The following PRORP variants were observed in gnomAD, a reference collection of about 807,000 sequenced individuals.
PRORP encodes the protein mitochondrial ribonuclease P catalytic subunit.
In PRORP, 51 loss-of-function variants were observed where a neutral mutation model predicts 59.4. The ratio of observed to expected loss-of-function variants is 0.86; its 90% CI spans 0.69 to 1.08. The LOEUF (loss-of-function observed/expected upper bound fraction) is 1.08, where lower values mean the gene tolerates loss of function less well. PRORP is among the 50% of genes least tolerant of loss of function. PRORP has a pLI of 0.00. For missense variants in PRORP, 646 were observed against 690.3 expected (o/e 0.94, Z 0.72); for synonymous variants, 231 against 245.6 (o/e 0.94, Z 0.55).
chr14:35,177,789 T>A (rs2048492323), intron 4 of PRORP, among the ~76,000 whole-genome samples: 1 of 152,178 alleles, frequency 6.6e-6, no homozygotes, highest in Admixed American at 6.5e-5. Context: ...TCTGCTAGCT[T>A]TTGAATGTGT....
intron 5 of PRORP, among the ~76,000 whole-genome samples, chr14:35,255,848 T>C (rs908273403): frequency 6.6e-6 from 1 of 152,042 alleles, no homozygotes; most frequent in Admixed American, 6.5e-5. Flanking sequence ...TTATACAGAG[T>C]CTTAAGAGAG....
rs575652153 is a variant in PRORP at position 35,178,627 on chromosome 14, T to C, written c.1168-2043T>C. 8.4e-4 allele frequency among the ~76,000 whole-genome samples: 128 copies of C among 152,350 alleles called. 1 individual carries two copies. In the Middle Eastern group the frequency reaches 0.01, roughly 12 times the overall value. The stretch of plus-strand genomic sequence containing the variant: ...TTCCTCCATCCTTTTATTTTGAGCC[T>C]ATGTGTGTCTCTGCATGTGAGATGG... On this transcript the variant is annotated intron_variant, in intron 4 of 7. Transcript: ENST00000534898.
intron 5 of PRORP, among the ~76,000 whole-genome samples, chr14:35,243,195 C>CAA (rs1358577097): frequency 6.6e-6 from 1 of 152,072 alleles, no homozygotes; most frequent in Non-Finnish European, 1.5e-5. Context: ...AAGAAGGATG[C>CAA]AAAAGATGTT....
intron 5 of PRORP, among the ~76,000 whole-genome samples, chr14:35,219,862 A>G (rs1566505644): frequency 6.6e-6 from 1 of 151,982 alleles, no homozygotes; most frequent in Admixed American, 6.6e-5. Context: ...TATTTTTTGA[A>G]TTGTTTGTTT....
Position 35,123,658 on chromosome 14 carries a change from C to A in PRORP, c.413C>A (p.Thr138Asn). The change falls in exon 2 of 8, where the codon ACC (threonine) becomes AAC (asparagine). Residue 138 changes from threonine (T) to asparagine (N), a missense_variant. Thr to Asn is a moderately conservative substitution (Grantham distance 65). Transcript: ENST00000534898. ...KEDLKENTGK[T>N]SFESWIISQM... ...GATTTAAAAGAAAACACCGGAAAGA[C>A]CAGTTTCGAAAGTTGGATCATTTCA... The A allele has an allele frequency of 6.2e-7, 1 of 1,614,172 alleles. No individual in the cohort carries two copies. The highest frequency in any genetic ancestry group is 8.5e-7 in the Non-Finnish European group (1 of 1,180,032).
At chr14:35,157,156 T>C (rs1170833529) in intron 4 of PRORP, among the ~76,000 whole-genome samples, 2 of 151,994 alleles carry the variant, frequency 1.3e-5, no homozygotes, top group African/African-American at 4.8e-5. Context: ...GGGGTTTCAC[T>C]ATGTTAGCCA....
chr14:35,224,537 G>A (rs893192087), intron 5 of PRORP, among the ~76,000 whole-genome samples: 1 of 152,122 alleles, frequency 6.6e-6, no homozygotes, highest in African/African-American at 2.4e-5. Context: ...GGGAGAGCTG[G>A]AATTTGAATT....
rs536177956 is a variant in PRORP, at chr14:35,175,291, A to G, written c.1168-5379A>G. On this transcript the variant is annotated intron_variant, in intron 4 of 7. Coordinates refer to ENST00000534898, the MANE Select transcript of PRORP (RefSeq NM_014672.4). ...GATGGCTGGGTCAAATGGTATTTCT[A>G]GTTCTAGATCCCTGAGGAATCGCCA... Among the ~76,000 whole-genome samples, 231 of 152,154 alleles carry G rather than the reference A, an allele frequency of 1.5e-3. 1 individual carries two copies. The highest frequency in any genetic ancestry group is 4.8e-3 in the African/African-American group (199 of 41,530).
intron 5 of PRORP, among the ~76,000 whole-genome samples, chr14:35,216,908 G>A (rs745633979): frequency 6.6e-6 from 1 of 152,166 alleles, no homozygotes; most frequent in Non-Finnish European, 1.5e-5. Context: ...ATGATGTTGA[G>A]CATCTTTTAA....
At chr14:35,163,956 A>C (rs1465562750) in intron 4 of PRORP, among the ~76,000 whole-genome samples, 2 of 152,168 alleles carry the variant, frequency 1.3e-5, no homozygotes, top group Non-Finnish European at 2.9e-5. Flanking sequence ...ATGTGGTGAA[A>C]GGTAAGGGTC....
Position 35,127,579 on chromosome 14 carries a change from G to T in PRORP, c.1135G>T (p.Gly379Ter), listed in dbSNP as rs748809567. The T allele has an allele frequency of 1.2e-6, 2 of 1,614,050 alleles. No homozygotes were observed. The highest frequency in any genetic ancestry group is 2.2e-5 in the South Asian group (2 of 91,078). The change falls in exon 4 of 8, where the codon GGA becomes TGA. Residue 379 changes from glycine (G) to a stop codon, truncating the protein, a stop_gained. Coordinates refer to ENST00000534898, the MANE Select transcript of PRORP (RefSeq NM_014672.4). LOFTEE classifies it high-confidence loss of function. ...KGKIMRDVIDGGDQYRKTTPQ... is the reference protein window; with the variant it reads ...KGKIMRDVID Reference sequence around the variant, plus strand: ...AAAAATCATGAGGGATGTGATAGATGGAGGTGACCAGTACAGAAAGACAAC... The same window carrying T: ...AAAAATCATGAGGGATGTGATAGATTGAGGTGACCAGTACAGAAAGACAAC...
chr14:35,154,978 T>A (rs2047875930), intron 4 of PRORP, among the ~76,000 whole-genome samples: 1 of 152,124 alleles, frequency 6.6e-6, no homozygotes, highest in Admixed American at 6.5e-5. Flanking sequence ...CACCACAGCC[T>A]CAACCTCCCG....
chr14:35,270,948 G>A (rs527922172), intron 7 of PRORP, among the ~76,000 whole-genome samples: 5 of 151,570 alleles, frequency 3.3e-5, no homozygotes, highest in African/African-American at 9.7e-5. Context: ...TTAGCCAGGC[G>A]TGGTGGCGGG....
intron 5 of PRORP, among the ~76,000 whole-genome samples, chr14:35,260,301 T>C (rs565753232): frequency 6.6e-6 from 1 of 152,158 alleles, no homozygotes; most frequent in East Asian, 1.9e-4. Context: ...AAAAGAGAAA[T>C]AAACTTTCCT....
intron 4 of PRORP, among the ~76,000 whole-genome samples, chr14:35,151,357 GGAAGA>G (rs1299642707): frequency 6.6e-6 from 1 of 151,826 alleles, no homozygotes; most frequent in Non-Finnish European, 1.5e-5. Flanking sequence ...TACTTCTGAA[GGAAGA>G]GAAAACTACC....
At chr14:35,203,544 A>G (rs773111797) in intron 5 of PRORP, among the ~76,000 whole-genome samples, 16 of 152,164 alleles carry the variant, frequency 1.1e-4, no homozygotes, top group Non-Finnish European at 1.9e-4. Flanking sequence ...TTAAAATTAA[A>G]TTAAAAATCC....
At chr14:35,188,597 C>T (rs955469059) in intron 5 of PRORP, among the ~76,000 whole-genome samples, 8 of 151,608 alleles carry the variant, frequency 5.3e-5, no homozygotes, top group African/African-American at 1.9e-4. Context: ...TTGATGATAT[C>T]CTTTGAGGCA....
intron 5 of PRORP, among the ~76,000 whole-genome samples, chr14:35,234,744 T>C (rs1413738086): frequency 1.3e-5 from 2 of 150,928 alleles, no homozygotes; most frequent in African/African-American, 4.9e-5. Context: ...AGTGGTGTGA[T>C]CATAGCTTAC....
rs141480958 is a variant in PRORP, at chr14:35,265,111, T to C, written c.1276-1616T>C. Among the ~76,000 whole-genome samples the C allele has an allele frequency of 1.8e-4, 28 of 152,366 alleles. No homozygotes were observed. In the South Asian group the frequency reaches 3.5e-3, roughly 19 times the overall value. ...TACGAATGTAATATTTGATAGCTGA[T>C]TAAATAAATGAATTCATTTTATTGA... On this transcript the variant is annotated intron_variant, in intron 5 of 7. Coordinates refer to ENST00000534898, the MANE Select transcript of PRORP (RefSeq NM_014672.4).
Sources: gnomAD v4.1 joint callset for allele counts (sites outside exome capture counted in the v4.1 genomes callset) on GRCh38, gnomAD v4.1.1 for gene constraint, MANE v1.5 for transcripts, NCBI Gene and HGNC (gene_info 2026-07-23, HGNC 2026-07-21) for gene names.